TBX18: variants seen among roughly 807,000 people sequenced by gnomAD.
TBX18 encodes the protein T-box transcription factor TBX18.
A neutral mutation model predicts 55.0 loss-of-function variants in TBX18; 21 were observed. That is an observed-to-expected ratio of 0.38 (90% CI 0.27 to 0.55). The LOEUF is 0.55. TBX18 is among the 20% of genes least tolerant of loss of function. The pLI is 0.73. For missense variants in TBX18, 840 were observed against 799.6 expected (o/e 1.05, Z -0.61); for synonymous variants, 342 against 326.1 (o/e 1.05, Z -0.53).
intron 6 of TBX18, chr6:84,742,463 A>G (rs1353265048): frequency 6.6e-6 from 1 of 152,194 alleles, no homozygotes; most frequent in Non-Finnish European, 1.5e-5. Context: ...ATGTATTTTC[A>G]TTATGCTGAG....
In TBX18 at chr6:84,748,087, T is replaced by A; in HGVS notation, c.772A>T (p.Ile258Phe). The A allele has an allele frequency of 6.3e-7, 1 of 1,597,858 alleles. No homozygotes were observed. Among genetic ancestry groups the A allele is most frequent in the East Asian group, 2.2e-5 (1 of 44,578 alleles). ...TATTTGTGCATAGAATGAAGAATAA[T>A]CTATATCAAAGAAGGAAAAGCTGAA... Reference protein sequence around the residue: ...TNNELDDQGHIILHSMHKYQP... With the variant: ...TNNELDDQGHFILHSMHKYQP... The change falls in exon 5 of 8, where the codon ATT becomes TTT. Residue 258 changes from isoleucine (I) to phenylalanine (F), a missense_variant and splice_region_variant. By Grantham distance (21) the Ile-to-Phe change is conservative. Coordinates refer to ENST00000369663, the MANE Select transcript of TBX18 (RefSeq NM_001080508.3).
At chr6:84,758,734 G>A (rs1045440372) in intron 3 of TBX18, among the ~76,000 whole-genome samples, 2 of 152,100 alleles carry the variant, frequency 1.3e-5, no homozygotes, top group Non-Finnish European at 2.9e-5. Context: ...ATTTTGAATA[G>A]TCAAAACTCC....
chr6:84,762,992 G>A (rs1361693099), intron 1 of TBX18: 3 of 564,602 alleles, frequency 5.3e-6, no homozygotes, highest in Non-Finnish European at 9.4e-6. Context: ...GCCCGGGAGA[G>A]GCGCGCGGGC....
At chr6:84,763,492 G>A (rs930881529) in intron 1 of TBX18, 5 of 479,744 alleles carry the variant, frequency 1.0e-5, no homozygotes, top group Non-Finnish European at 1.6e-5. Context: ...TAGGGCATTC[G>A]TTCCGGTTTC....
chr6:84,758,539 T>C (rs1003639065), intron 3 of TBX18, among the ~76,000 whole-genome samples: 1 of 152,194 alleles, frequency 6.6e-6, no homozygotes, highest in African/African-American at 2.4e-5. Flanking sequence ...CAATAATTTT[T>C]AACTTGATTA....
intron 6 of TBX18, among the ~76,000 whole-genome samples, chr6:84,739,289 C>A (rs1477561109): frequency 6.6e-6 from 1 of 151,848 alleles, no homozygotes; most frequent in African/African-American, 2.4e-5. Context: ...ATTTTAAAAC[C>A]CTGAAATACA....
Position 84,737,269 on chromosome 6 carries a change from G to A in TBX18, c.1240C>T (p.Pro414Ser). Residue 414 changes from proline to serine, a missense_variant, in exon 8 of 8, where the codon CCT becomes TCT. By Grantham distance (74) the Pro-to-Ser change is moderately conservative. Transcript: ENST00000369663. Reference sequence around the variant, plus strand: ...CGGGCACAGGCAGAATAGTCAGCAGGGGCCAGACTACACAGCTGGCTGGTG... The same window carrying A: ...CGGGCACAGGCAGAATAGTCAGCAGAGGCCAGACTACACAGCTGGCTGGTG... ...PNTSQLCSLA[P>S]ADYSACARSG... is the part of the protein sequence containing the mutation. The A allele has an allele frequency of 6.2e-7, 1 of 1,608,864 alleles. No homozygotes were observed. The highest frequency in any genetic ancestry group is 1.1e-5 in the South Asian group (1 of 90,056).
chr6:84,750,369 G>T (rs917620951), intron 4 of TBX18, among the ~76,000 whole-genome samples: 5 of 151,276 alleles, frequency 3.3e-5, no homozygotes, highest in Non-Finnish European at 5.9e-5. Context: ...AAGATATCTT[G>T]CAGACATGTG....
At chr6:84,753,738 T>C (rs943638854) in intron 4 of TBX18, among the ~76,000 whole-genome samples, 2 of 152,174 alleles carry the variant, frequency 1.3e-5, no homozygotes, top group Non-Finnish European at 2.9e-5. Flanking sequence ...TCTAGCCTCA[T>C]TTAGGGTCAT....
chr6:84,763,257 C>G (rs1767706643), intron 1 of TBX18: 1 of 382,130 alleles, frequency 2.6e-6, no homozygotes, highest in African/African-American at 2.1e-5. Flanking sequence ...TTCTTTTGGG[C>G]CGGGCCGGAG....
chr6:84,737,094 C>T lies in TBX18; in HGVS notation c.1415G>A (p.Gly472Asp). 1 of 1,614,166 alleles carries T rather than the reference C, an allele frequency of 6.2e-7. No homozygotes were observed. Among genetic ancestry groups the T allele is most frequent in the Non-Finnish European group, 8.5e-7 (1 of 1,180,038 alleles). Residue 472 changes from glycine to aspartate, a missense_variant, in exon 8 of 8, where the codon GGC becomes GAC. Gly to Asp is a moderately conservative substitution (Grantham distance 94, BLOSUM62 -1). Coordinates refer to ENST00000369663, the MANE Select transcript of TBX18 (RefSeq NM_001080508.3). ...GCAGCTGAAGGTGTCCCCATCAGTG[C>T]CACCCATGGACATGTTCACGGAGGT... Reference protein sequence around the residue: ...SSTSVNMSMGGTDGDTFSCPQ... With the variant: ...SSTSVNMSMGDTDGDTFSCPQ...
intron 5 of TBX18, among the ~76,000 whole-genome samples, chr6:84,746,252 G>A (rs186441711): frequency 6.6e-6 from 1 of 151,934 alleles, no homozygotes; most frequent in African/African-American, 2.4e-5. Context: ...GAGAGGAAGA[G>A]AGACAGAAAG....
chr6:84,757,895 T>C (rs1331523901), intron 3 of TBX18, among the ~76,000 whole-genome samples: 2 of 152,140 alleles, frequency 1.3e-5, no homozygotes, highest in African/African-American at 4.8e-5. Flanking sequence ...GCATACAATT[T>C]AAAGCTATAA....
Position 84,763,522 on chromosome 6 carries a change from C to T in TBX18, c.292+368G>A, listed in dbSNP as rs1014293890. Reference sequence around the variant, plus strand: ...GGTTTCAGGGTGGGGTATGCCGTCGCTCCCCTCCTCCCCGCCCTGTGCTTT... The same window carrying T: ...GGTTTCAGGGTGGGGTATGCCGTCGTTCCCCTCCTCCCCGCCCTGTGCTTT... On this transcript the variant is annotated intron_variant, in intron 1 of 7. Coordinates refer to ENST00000369663, the MANE Select transcript of TBX18 (RefSeq NM_001080508.3). 43 of 506,328 alleles carry T rather than the reference C, an allele frequency of 8.5e-5. 1 individual carries two copies. The highest frequency in any genetic ancestry group is 6.2e-4 in the South Asian group (40 of 64,920). The allele number at this position is 506,328 out of a possible 1,614,324, so 31.4% of individuals were successfully genotyped here.
chr6:84,762,515 A>G (rs753172052), intron 2 of TBX18, 29 bp downstream of exon 2: 37 of 1,611,972 alleles, frequency 2.3e-5, no homozygotes. Flanking sequence ...TGGGGTAGGG[A>G]GGGGCGTCCA....
Position 84,738,468 on chromosome 6 carries a change from T to C in TBX18, c.1099+29A>G, listed in dbSNP as rs200184853. 2.5e-5 allele frequency: 40 copies of C among 1,573,788 alleles called. No individual in the cohort carries two copies. The Admixed American group carries it at 5.2e-4, about 20-fold the overall frequency. ...AGTTTCTAGGCAGGAACGGGCTGTA[T>C]ATATGACCCAGGAGACTTTGTGAGT... On this transcript the variant is annotated intron_variant, in intron 7 of 7. Transcript: ENST00000369663.
chr6:84,764,234 C>T lies in TBX18; in HGVS notation c.-53G>A. On this transcript the variant is annotated 5_prime_UTR_variant, in exon 1 of 8. The change creates a new upstream start codon in the 5' untranslated region. Transcript: ENST00000369663. Reference sequence around the variant, plus strand: ...TCTCTCATATACACTCACGCGGGCACACGCGCGCTCTCGCTCTTCCCCCAC... The same window carrying T: ...TCTCTCATATACACTCACGCGGGCATACGCGCGCTCTCGCTCTTCCCCCAC... The T allele has an allele frequency of 1.4e-6, 2 of 1,381,004 alleles. No individual in the cohort carries two copies. Among genetic ancestry groups the T allele is most frequent in the Non-Finnish European group, 1.9e-6 (2 of 1,074,368 alleles). The allele number at this position is 1,381,004 out of a possible 1,614,324, so 85.5% of individuals were successfully genotyped here. A position where few individuals can be genotyped will look rare whatever the true frequency, so the allele number is the denominator to read the frequency against.
At chr6:84,760,668 C>A (rs867900633) in intron 2 of TBX18, among the ~76,000 whole-genome samples, 2 of 151,956 alleles carry the variant, frequency 1.3e-5, no homozygotes, top group Non-Finnish European at 2.9e-5. Flanking sequence ...TAAACAAAAT[C>A]GATAAGCATA....
chr6:84,763,851 C>T (rs893324172), intron 1 of TBX18, 39 bp downstream of exon 1: 1 of 1,452,602 alleles, frequency 6.9e-7, no homozygotes, highest in Non-Finnish European at 9.0e-7. Flanking sequence ...TTCAGGTTCG[C>T]GCCGGAGAGA....
Sources: allele counts gnomAD v4.1 joint callset (sites outside exome capture counted in the v4.1 genomes callset), GRCh38; gene constraint gnomAD v4.1.1; transcripts MANE v1.5; gene names NCBI Gene and HGNC (gene_info 2026-07-23, HGNC 2026-07-21).